PKN2: variants seen among roughly 807,000 people sequenced by gnomAD.
The protein encoded by PKN2 is protein kinase N2.
Under a neutral mutation model 119.1 loss-of-function variants are expected in PKN2, and 38 were observed. The ratio of observed to expected loss-of-function variants is 0.32; its 90% CI spans 0.25 to 0.42. The LOEUF (loss-of-function observed/expected upper bound fraction) is 0.42, where lower values mean the gene tolerates loss of function less well. PKN2 is among the 10% of genes least tolerant of loss of function. The pLI, the probability that PKN2 is intolerant of heterozygous loss-of-function variation, is 1.00. For synonymous variants in PKN2, 390 were observed against 384.9 expected, an observed-to-expected ratio of 1.01 and a Z score of -0.15; for missense variants, 850 against 1,165.1, an observed-to-expected ratio of 0.73 and a Z score of 3.94.
chr1:88,774,301 A>T (rs1238238938), intron 6 of PKN2, among the ~76,000 whole-genome samples: 2 of 152,186 alleles, frequency 1.3e-5, no homozygotes, highest in African/African-American at 4.8e-5. Context: ...ATCATTGGCC[A>T]CATGATTGAA....
chr1:88,780,287 G>A (rs1422230247), intron 6 of PKN2, among the ~76,000 whole-genome samples: 1 of 152,076 alleles, frequency 6.6e-6, no homozygotes, highest in Non-Finnish European at 1.5e-5. Flanking sequence ...CATATCCTAT[G>A]TTTGGACCTA....
At chr1:88,688,110 G>A (rs1230460111) in intron 1 of PKN2, among the ~76,000 whole-genome samples, 1 of 150,952 alleles carries the variant, frequency 6.6e-6, no homozygotes, top group Non-Finnish European at 1.5e-5. Flanking sequence ...TCTGGAGACG[G>A]AGTCTCGCAC....
At chr1:88,829,135 G>C in intron 19 of PKN2, 1 of 737,754 alleles carries the variant, frequency 1.4e-6, no homozygotes, top group East Asian at 2.5e-5. Flanking sequence ...TATGGTAGCT[G>C]TGAAGGCCCT....
At chr1:88,765,849 C>A (rs1234254207) in intron 3 of PKN2, among the ~76,000 whole-genome samples, 1 of 152,098 alleles carries the variant, frequency 6.6e-6, no homozygotes, top group African/African-American at 2.4e-5. Context: ...AGGTTGTCAC[C>A]CAGGCTGGAG....
chr1:88,722,769 C>T (rs959115499), intron 1 of PKN2, among the ~76,000 whole-genome samples: 3 of 148,440 alleles, frequency 2.0e-5, no homozygotes, highest in African/African-American at 7.5e-5. Context: ...GGTGACAGTG[C>T]AAGACCCTGT....
intron 1 of PKN2, among the ~76,000 whole-genome samples, chr1:88,699,153 A>G (rs7553139): frequency 0.86 from 131,193 of 151,904 alleles, 57,485 homozygotes; most frequent in South Asian, 0.94. Flanking sequence ...TTTCTTAAAC[A>G]CTTTATGAAC....
chr1:88,827,677 T>C (rs1672562336), intron 18 of PKN2, among the ~76,000 whole-genome samples: 1 of 124,290 alleles, frequency 8.0e-6, no homozygotes, highest in African/African-American at 3.4e-5. Context: ...CCCTCCTCTC[T>C]CTCTCTCTAT....
At chr1:88,790,184 T>C (rs1260476320) in intron 8 of PKN2, among the ~76,000 whole-genome samples, 3 of 152,232 alleles carry the variant, frequency 2.0e-5, no homozygotes, top group Non-Finnish European at 4.4e-5. Context: ...TTTACTATCA[T>C]CTTGAGAACT....
intron 17 of PKN2, 68 bp downstream of exon 17, chr1:88,822,071 G>T: frequency 1.5e-6 from 2 of 1,313,536 alleles, no homozygotes; most frequent in Non-Finnish European, 2.0e-6. Context: ...ATAGTATTTT[G>T]TTTTTCTTAA....
At chr1:88,817,110 A>G (rs1310616644) in intron 16 of PKN2, among the ~76,000 whole-genome samples, 12 of 152,172 alleles carry the variant, frequency 7.9e-5, no homozygotes, top group Non-Finnish European at 2.9e-5. Flanking sequence ...AGAAAATTTC[A>G]GGCCAATATC....
At chr1:88,772,946 T>C (rs183179588) in intron 6 of PKN2, among the ~76,000 whole-genome samples, 1 of 152,296 alleles carries the variant, frequency 6.6e-6, no homozygotes, top group Admixed American at 6.5e-5. Context: ...CTCCCTTCAG[T>C]TATGTAAATT....
intron 8 of PKN2, among the ~76,000 whole-genome samples, chr1:88,787,785 TTG>T (rs1327785042): frequency 6.6e-6 from 1 of 152,222 alleles, no homozygotes; most frequent in Non-Finnish European, 1.5e-5. Context: ...TTGGAAGACA[TTG>T]TGCATGTTAA....
At chr1:88,827,711 A>G (rs1273433415) in intron 18 of PKN2, among the ~76,000 whole-genome samples, 3 of 128,036 alleles carry the variant, frequency 2.3e-5, no homozygotes, top group Non-Finnish European at 3.2e-5. Context: ...TGAGATATAT[A>G]TATGTTTTTT....
intron 15 of PKN2, among the ~76,000 whole-genome samples, chr1:88,811,025 C>T (rs962118174): frequency 3.3e-5 from 5 of 152,108 alleles, no homozygotes; most frequent in African/African-American, 1.2e-4. Context: ...TCAAATCAAC[C>T]TCTTTTTAAG....
intron 16 of PKN2, among the ~76,000 whole-genome samples, chr1:88,821,257 G>C (rs944236370): frequency 6.6e-6 from 1 of 152,186 alleles, no homozygotes; most frequent in East Asian, 1.9e-4. Context: ...TGCCACTACA[G>C]TGGATGTTCT....
chr1:88,822,820 C>T (rs1003409677), intron 17 of PKN2, among the ~76,000 whole-genome samples: 2 of 152,068 alleles, frequency 1.3e-5, no homozygotes, highest in African/African-American at 4.8e-5. Flanking sequence ...CCTCAGGTGA[C>T]TACCCGCCTC....
chr1:88,744,265 A>G (rs1449273225), intron 2 of PKN2, among the ~76,000 whole-genome samples: 1 of 152,202 alleles, frequency 6.6e-6, no homozygotes, highest in Non-Finnish European at 1.5e-5. Flanking sequence ...CAGTTCTGAA[A>G]GGTATGAGTG....
At chr1:88,818,545 G>A (rs1056692859) in intron 16 of PKN2, among the ~76,000 whole-genome samples, 5 of 151,588 alleles carry the variant, frequency 3.3e-5, no homozygotes, top group Non-Finnish European at 7.4e-5. Context: ...CTACTCGGGA[G>A]ACTGAGTCAG....
chr1:88,710,595 C>A (rs963852492), intron 1 of PKN2, among the ~76,000 whole-genome samples: 1 of 152,146 alleles, frequency 6.6e-6, no homozygotes, highest in East Asian at 1.9e-4. Context: ...ATCAAAACCA[C>A]AGTGAGATAC....
Sources: gnomAD v4.1 joint callset for allele counts (sites outside exome capture counted in the v4.1 genomes callset) on GRCh38, gnomAD v4.1.1 for gene constraint, MANE v1.5 for transcripts, NCBI Gene and HGNC (gene_info 2026-07-23, HGNC 2026-07-21) for gene names.